Variants in ANKRD31 observed in about 807,000 individuals in gnomAD.
ANKRD31 encodes the protein ankyrin repeat domain-containing protein 31.
ANKRD31 carries 147 observed loss-of-function variants against 186.0 expected under a neutral mutation model. The observed-to-expected ratio is 0.79, with a 90% CI of 0.69 to 0.91. The LOEUF is 0.91. Ranked by LOEUF, ANKRD31 falls within the 40% of genes least tolerant of loss-of-function variation. The pLI, the probability that ANKRD31 is intolerant of heterozygous loss-of-function variation, is 0.00. For synonymous variants in ANKRD31, 673 were observed against 736.4 expected (o/e 0.91, Z 1.39); for missense variants, 1,986 against 2,148.8 (o/e 0.92, Z 1.50).
At chr5:75,122,924 G>T (rs1204237831) in intron 17 of ANKRD31, among the ~76,000 whole-genome samples, 1 of 152,084 alleles carries the variant, frequency 6.6e-6, no homozygotes, top group South Asian at 2.1e-4. Context: ...AGTACTGGAA[G>T]TCCTAGCCAG....
intron 20 of ANKRD31, among the ~76,000 whole-genome samples, chr5:75,109,936 A>G (rs1229740376): frequency 6.6e-6 from 1 of 152,206 alleles, no homozygotes; most frequent in Non-Finnish European, 1.5e-5. Flanking sequence ...GAGAAATTTC[A>G]GAAGAGTCTT....
At chr5:75,086,111 C>T (rs1745462166) in intron 23 of ANKRD31, among the ~76,000 whole-genome samples, 1 of 152,166 alleles carries the variant, frequency 6.6e-6, no homozygotes, top group Admixed American at 6.5e-5. Flanking sequence ...TGACAATGTC[C>T]AACACATCTC....
At chr5:75,202,791 G>C (rs1301817365) in intron 5 of ANKRD31, among the ~76,000 whole-genome samples, 1 of 152,164 alleles carries the variant, frequency 6.6e-6, no homozygotes, top group Admixed American at 6.5e-5. Context: ...TGAGCTTCTT[G>C]TTCTGAATAC....
chr5:75,149,836 C>T (rs1237580876), intron 12 of ANKRD31, among the ~76,000 whole-genome samples: 1 of 151,844 alleles, frequency 6.6e-6, no homozygotes, highest in African/African-American at 2.4e-5. Context: ...CTTCTCCAAA[C>T]CTTTGATCTT....
intron 10 of ANKRD31, among the ~76,000 whole-genome samples, chr5:75,180,512 C>A (rs1369423330): frequency 6.6e-6 from 1 of 152,180 alleles, no homozygotes; most frequent in African/African-American, 2.4e-5. Flanking sequence ...ACCAAAACAG[C>A]ATGGTACTGG....
intron 17 of ANKRD31, among the ~76,000 whole-genome samples, chr5:75,130,240 T>C (rs1580383158): frequency 1.3e-5 from 2 of 152,030 alleles, no homozygotes; most frequent in African/African-American, 2.4e-5. Flanking sequence ...GCTTCAAGAG[T>C]GAAGCTGCAG....
At chr5:75,211,121 A>G (rs1014900022) in intron 3 of ANKRD31, among the ~76,000 whole-genome samples, 2 of 152,112 alleles carry the variant, frequency 1.3e-5, no homozygotes, top group African/African-American at 4.8e-5. Flanking sequence ...ATTTTCCCAA[A>G]GTGAAACTCC....
At chr5:75,073,092 G>A (rs995874052) in intron 25 of ANKRD31, among the ~76,000 whole-genome samples, 2 of 152,116 alleles carry the variant, frequency 1.3e-5, no homozygotes, top group African/African-American at 4.8e-5. Context: ...GGACTTGTGG[G>A]CATAAACCCT....
intron 17 of ANKRD31, among the ~76,000 whole-genome samples, chr5:75,135,697 C>T (rs1406383858): frequency 1.3e-5 from 2 of 152,124 alleles, no homozygotes; most frequent in African/African-American, 4.8e-5. Flanking sequence ...AAAAAAGAGC[C>T]CGCATAGCCA....
In ANKRD31 at chr5:75,068,574, T is replaced by C. The variant is rs1482179267; in HGVS notation, c.5738A>G (p.His1913Arg). The change falls in exon 26 of 26, where the codon CAC (histidine) becomes CGC (arginine). Residue 1913 changes from histidine to arginine, a missense_variant. Coordinates refer to ENST00000506364, the MANE Select transcript of ANKRD31 (RefSeq NM_001372053.1). ...LISDQEFLPCHIMDQHWKFCV... is the reference protein window; with the variant it reads ...LISDQEFLPCRIMDQHWKFCV... ...AAACTTCCAATGCTGATCCATTATG[T>C]GGCATGGGAGAAATTCTTGATCACT... 1.3e-6 allele frequency: 2 copies of C among 1,528,424 alleles called. No homozygotes were observed. Among genetic ancestry groups the C allele is most frequent in the East Asian group, 2.5e-5 (1 of 40,528 alleles). The allele number at this position is 1,528,424 out of a possible 1,614,324, so 94.7% of individuals were successfully genotyped here.
intron 5 of ANKRD31, among the ~76,000 whole-genome samples, chr5:75,203,106 C>G (rs1162799604): frequency 6.6e-6 from 1 of 152,170 alleles, no homozygotes; most frequent in African/African-American, 2.4e-5. Flanking sequence ...ACTACCTCAC[C>G]TGGCCATGTG....
intron 3 of ANKRD31, among the ~76,000 whole-genome samples, chr5:75,211,407 T>C (rs1478240300): frequency 2.0e-5 from 3 of 152,238 alleles, no homozygotes; most frequent in Non-Finnish European, 4.4e-5. Flanking sequence ...CTTGCAGTGC[T>C]TCCACCTTTT....
intron 3 of ANKRD31, among the ~76,000 whole-genome samples, chr5:75,213,784 C>T (rs1387939522): frequency 6.6e-6 from 1 of 152,094 alleles, no homozygotes. Context: ...AGAAGCAAAT[C>T]TATTTCTATA....
intron 11 of ANKRD31, among the ~76,000 whole-genome samples, chr5:75,155,524 G>A (rs1466815785): frequency 6.6e-6 from 1 of 152,054 alleles, no homozygotes; most frequent in Non-Finnish European, 1.5e-5. Flanking sequence ...TTTTACTACA[G>A]ATATATGTCT....
Position 75,230,576 on chromosome 5 carries a change from CTT to C in ANKRD31, c.162_163del (p.Gly56AsnfsTer9). ...ATCATTCTCACCTTTGCACATTCCT[CTT>C]GTATCAGGATGCAGACTGAACTCAG... On this transcript the variant is annotated frameshift_variant, in exon 2 of 26. Transcript: ENST00000506364. LOFTEE classifies it high-confidence loss of function. 6.5e-7 allele frequency: 1 copy of C among 1,536,584 alleles called. No homozygotes were observed. The highest frequency in any genetic ancestry group is 8.7e-7 in the Non-Finnish European group (1 of 1,146,470).
At chr5:75,108,847 A>C (rs1196226910) in intron 20 of ANKRD31, among the ~76,000 whole-genome samples, 1 of 152,204 alleles carries the variant, frequency 6.6e-6, no homozygotes, top group Non-Finnish European at 1.5e-5. Context: ...ATTAAAAGAC[A>C]TTTTAAATTA....
intron 17 of ANKRD31, among the ~76,000 whole-genome samples, chr5:75,130,504 G>A (rs964176587): frequency 3.3e-5 from 5 of 152,102 alleles, no homozygotes; most frequent in African/African-American, 9.7e-5. Flanking sequence ...ATTTTACAGA[G>A]AGCTGACTGG....
intron 3 of ANKRD31, among the ~76,000 whole-genome samples, chr5:75,217,093 G>A (rs868162696): frequency 2.0e-5 from 3 of 152,056 alleles, no homozygotes; most frequent in Non-Finnish European, 4.4e-5. Context: ...AAGAGTGTGG[G>A]TGGTATGATT....
rs1747163625 is a variant in ANKRD31, at chr5:75,104,448, G to A, written c.5111C>T (p.Thr1704Ile). Reference sequence around the variant, plus strand: ...AAGATATGGTTTCATCTGATGCACTGTATCACTGCCTAAGACAGCAATCCC... The same window carrying A: ...AAGATATGGTTTCATCTGATGCACTATATCACTGCCTAAGACAGCAATCCC... ...HQGIAVLGSD[T>I]VHQMKPYLKK... The change falls in exon 22 of 26, where the codon ACA becomes ATA. Residue 1704 changes from threonine to isoleucine, a missense_variant. Physicochemically the swap from Thr to Ile is moderately conservative, Grantham distance 89 (BLOSUM62 -1). Transcript: ENST00000506364. 3.9e-6 allele frequency: 6 copies of A among 1,537,086 alleles called. No individual in the cohort carries two copies. Among genetic ancestry groups the A allele is most frequent in the Non-Finnish European group, 5.2e-6 (6 of 1,146,910 alleles).
Sources: gnomAD v4.1 joint callset for allele counts (sites outside exome capture counted in the v4.1 genomes callset) on GRCh38, gnomAD v4.1.1 for gene constraint, MANE v1.5 for transcripts, NCBI Gene and HGNC (gene_info 2026-07-23, HGNC 2026-07-21) for gene names.